DNAAF9: variants seen among roughly 807,000 people sequenced by gnomAD.
The protein encoded by DNAAF9 is dynein axonemal assembly factor 9, also known as shulin.
Under a neutral mutation model 167.0 loss-of-function variants are expected in DNAAF9, and 90 were observed. The observed-to-expected ratio is 0.54, with a 90% CI of 0.45 to 0.64. The LOEUF (loss-of-function observed/expected upper bound fraction) is 0.64, where lower values mean the gene tolerates loss of function less well. Among genes scored for constraint, DNAAF9 ranks in the 30% least tolerant of loss-of-function variants. The probability of loss-of-function intolerance (pLI) is 0.00; values close to 1 mark genes in which losing one functional copy is unlikely to be tolerated. For synonymous variants in DNAAF9, 491 were observed against 508.8 expected, an observed-to-expected ratio of 0.96 and a Z score of 0.47; for missense variants, 1,315 against 1,442.2, an observed-to-expected ratio of 0.91 and a Z score of 1.43.
rs2068170783 is a variant in DNAAF9, at chr20:3,249,712, TC to T, written c.*2859del. 1.3e-5 allele frequency: 2 copies of T among 152,198 alleles called. No individual in the cohort carries two copies. Among genetic ancestry groups the T allele is most frequent in the African/African-American group, 4.8e-5 (2 of 41,438 alleles). The allele number at this position is 152,198 out of a possible 1,614,324, so 9.4% of individuals were successfully genotyped here. A position where few individuals can be genotyped will look rare whatever the true frequency, so the allele number is the denominator to read the frequency against. Reference sequence around the variant, plus strand: ...AGATCAGCAACACGGCTGGAATACTTCGTAGTTTACAATCTTTGAATTGAAC... The same window carrying T: ...AGATCAGCAACACGGCTGGAATACTTGTAGTTTACAATCTTTGAATTGAAC... On this transcript the variant is annotated 3_prime_UTR_variant, in exon 37 of 37. Transcript: ENST00000252032.
intron 30 of DNAAF9, among the ~76,000 whole-genome samples, chr20:3,270,130 A>T (rs2068567000): frequency 7.5e-6 from 1 of 133,960 alleles, no homozygotes; most frequent in Admixed American, 8.5e-5. Context: ...CATTGTGCCC[A>T]GCCTGCTTTT....
intron 6 of DNAAF9, among the ~76,000 whole-genome samples, chr20:3,364,426 T>C (rs567036665): frequency 1.2e-3 from 179 of 152,294 alleles, no homozygotes; most frequent in Non-Finnish European, 2.0e-3. Context: ...CCTGCTTTTA[T>C]GAATTATTAG....
chr20:3,336,941 A>C, intron 10 of DNAAF9, among the ~76,000 whole-genome samples: 1 of 138,992 alleles, frequency 7.2e-6, no homozygotes, highest in African/African-American at 2.7e-5. Flanking sequence ...AGGCAGTGGC[A>C]CGATCTCGGC....
chr20:3,318,686 C>T (rs973576109), intron 16 of DNAAF9, among the ~76,000 whole-genome samples: 1 of 152,152 alleles, frequency 6.6e-6, no homozygotes, highest in African/African-American at 2.4e-5. Context: ...GCTGACTAGG[C>T]ACAGTGGCTC....
rs370733748 is a variant in DNAAF9 at position 3,376,222 on chromosome 20, C to A, written c.364G>T (p.Ala122Ser). Residue 122 changes from alanine to serine, a missense_variant, in exon 4 of 37, where the codon GCA (alanine) becomes TCA (serine). By Grantham distance (99) the Ala-to-Ser change is moderately conservative. Coordinates refer to ENST00000252032, the MANE Select transcript of DNAAF9 (RefSeq NM_001009984.3). ...TGGAAATGCAGATTTCTCCAATGTG[C>A]CACATAAGGTAAGAGATAGCGAAAG... Reference protein sequence around the residue: ...VNFRYLLPYVAHWRNLHFHCM... With the variant: ...VNFRYLLPYVSHWRNLHFHCM... 1 of 1,613,350 alleles carries A rather than the reference C, an allele frequency of 6.2e-7. No homozygotes were observed. The highest frequency in any genetic ancestry group is 1.3e-5 in the African/African-American group (1 of 74,866).
At position 3,324,735 on chromosome 20, in the gene DNAAF9, AGTGAAGGCT is replaced by A. The variant is rs1210055391; in HGVS notation, c.1265+148_1265+156del. On this transcript the variant is annotated intron_variant, in intron 14 of 36. Transcript: ENST00000252032. ...TGCATCTTTGGCTCTTTGGCTTCTA[AGTGAAGGCT>A]GAATCATGAATGATTCTCCTTCACA... Among the ~76,000 whole-genome samples the A allele has an allele frequency of 3.3e-5, 5 of 152,202 alleles. 1 individual carries two copies. The highest frequency in any genetic ancestry group is 7.3e-5 in the Non-Finnish European group (5 of 68,038).
Position 3,315,449 on chromosome 20 carries a change from C to T in DNAAF9, c.1590+286G>A, listed in dbSNP as rs2123030295. Among the ~76,000 whole-genome samples the T allele has an allele frequency of 6.6e-6, 1 of 152,342 alleles. No individual in the cohort carries two copies. The highest frequency in any genetic ancestry group is 1.5e-5 in the Non-Finnish European group (1 of 68,032). ...TTGGCCTAAAGCCTTGATGTCTCAGCTCTACATGTCTAGGCCAATCTGGGA... is the reference window on the plus strand; with the variant it reads ...TTGGCCTAAAGCCTTGATGTCTCAGTTCTACATGTCTAGGCCAATCTGGGA... On this transcript the variant is annotated intron_variant, in intron 19 of 36. Coordinates refer to ENST00000252032, the MANE Select transcript of DNAAF9 (RefSeq NM_001009984.3). The surrounding 1 kb of genome is among the most constrained non-coding windows in gnomAD (Gnocchi z 4.1).
chr20:3,374,914 T>TA (rs1377086061), intron 5 of DNAAF9, 116 bp downstream of exon 5: 2 of 649,680 alleles, frequency 3.1e-6, no homozygotes, highest in East Asian at 5.2e-5. Flanking sequence ...ATGTCTTTGG[T>TA]AAAAATAGAC....
At chr20:3,397,973 T>C (rs1279127851) in intron 1 of DNAAF9, among the ~76,000 whole-genome samples, 1 of 152,206 alleles carries the variant, frequency 6.6e-6, no homozygotes, top group Non-Finnish European at 1.5e-5. Flanking sequence ...CTGAGGACTA[T>C]ACTCCTCTCA....
intron 1 of DNAAF9, among the ~76,000 whole-genome samples, 170 bp downstream of exon 1, chr20:3,407,305 G>T (rs1207710407): frequency 6.6e-6 from 1 of 152,184 alleles, no homozygotes; most frequent in Non-Finnish European, 1.5e-5. Context: ...CCATTGTGGG[G>T]CCTCTACAGA....
Position 3,298,047 on chromosome 20 carries a change from G to A in DNAAF9, c.1911C>T (p.Tyr637=), listed in dbSNP as rs1446127027. Residue 637 remains tyrosine, a synonymous_variant, in exon 22 of 37, where the codon TAC becomes TAT. Transcript: ENST00000252032. ...MIALFPKSKI[Y]QAFYSEVFSL... is the part of the protein sequence containing the mutation. ...ATATTACCTCTGAGTAAAATGCTTG[G>A]TATATCTTCGATTTGGGGAAAAGGG... 6.2e-7 allele frequency: 1 copy of A among 1,612,806 alleles called. No homozygotes were observed. The highest frequency in any genetic ancestry group is 8.5e-7 in the Non-Finnish European group (1 of 1,178,916).
chr20:3,317,929 T>C (rs536120288), intron 17 of DNAAF9, among the ~76,000 whole-genome samples: 1 of 152,202 alleles, frequency 6.6e-6, no homozygotes, highest in South Asian at 2.1e-4. Flanking sequence ...ACTAGTGAGA[T>C]TACATATCTT....
chr20:3,262,248 CT>C lies in DNAAF9; in HGVS notation c.2873+2189del, dbSNP rs953323176. Among the ~76,000 whole-genome samples the C allele has an allele frequency of 9.7e-3, 1,279 of 131,646 alleles. 22 individuals carry two copies. Among genetic ancestry groups the C allele is most frequent in the Admixed American group, 0.053 (690 of 13,002 alleles). 86.4% of individuals were successfully genotyped at this position (131,646 alleles called of 152,430 possible). On this transcript the variant is annotated intron_variant, in intron 31 of 36. Transcript: ENST00000252032. ...TCCTGATGAGGAAAAAGTTCACATT[CT>C]TTTTTTTTTTTTTTTTTTGACACGG...
At chr20:3,370,197 C>T (rs1266450025) in intron 6 of DNAAF9, among the ~76,000 whole-genome samples, 2 of 152,208 alleles carry the variant, frequency 1.3e-5, no homozygotes, top group Non-Finnish European at 2.9e-5. Context: ...GCAAAAACTA[C>T]ACTAGCCAAT....
intron 31 of DNAAF9, among the ~76,000 whole-genome samples, chr20:3,260,280 A>G (rs2068359274): frequency 6.6e-6 from 1 of 152,138 alleles, no homozygotes; most frequent in African/African-American, 2.4e-5. Context: ...CGGAGCTTGC[A>G]GTGAGGCGAG....
At position 3,324,945 on chromosome 20, in the gene DNAAF9, A is replaced by G. The variant is rs1046626466; in HGVS notation, c.1212T>C (p.Thr404=). The G allele has an allele frequency of 6.2e-7, 1 of 1,607,556 alleles. No individual in the cohort carries two copies. The highest frequency in any genetic ancestry group is 1.3e-5 in the African/African-American group (1 of 74,822). ...LTKAKEVAEQ[T]LGSGLDSFEL... is the part of the protein sequence containing the mutation. ...CAAAGGAATCTAACCCAGATCCCAG[A>G]GTTTGCTCTGCTACCTCCTTGGCCT... Residue 404 remains threonine, a synonymous_variant, in exon 14 of 37, where the codon ACT becomes ACC. Transcript: ENST00000252032.
rs732923 is a variant in DNAAF9, at chr20:3,250,694, C to G, written c.*1878G>C. 0.57 allele frequency: 86,847 copies of G among 151,962 alleles called. 24,891 individuals are homozygous for G. Among genetic ancestry groups the G allele is most frequent in the Admixed American group, 0.6 (9,125 of 15,270 alleles). The allele number at this position is 151,962 out of a possible 1,614,324, so 9.4% of individuals were successfully genotyped here. A position where few individuals can be genotyped will look rare whatever the true frequency, so the allele number is the denominator to read the frequency against. On this transcript the variant is annotated 3_prime_UTR_variant, in exon 37 of 37. Transcript: ENST00000252032. ...CTCCGACCCCTCTTTAAAAACTCTT[C>G]TGCAGCAGCCAGACTGCCAGGCCAG...
chr20:3,283,338 T>C (rs2068793704), intron 27 of DNAAF9, among the ~76,000 whole-genome samples: 1 of 152,190 alleles, frequency 6.6e-6, no homozygotes, highest in African/African-American at 2.4e-5. Flanking sequence ...AAAAGGCCCT[T>C]GGCTTTATCC....
At chr20:3,336,258 G>GTTTTTTTTTTTT (rs367718705) in intron 10 of DNAAF9, among the ~76,000 whole-genome samples, 5 of 113,556 alleles carry the variant, frequency 4.4e-5, no homozygotes, top group Admixed American at 9.7e-5. Flanking sequence ...TTGCGTTTTT[G>GTTTTTTTTTTTT]TTTTTTTTTT....
Sources: gnomAD v4.1 joint callset for allele counts (sites outside exome capture counted in the v4.1 genomes callset) on GRCh38, gnomAD v4.1.1 for gene constraint, Gnocchi (gnomAD v3.1) non-coding constraint, MANE v1.5 for transcripts, NCBI Gene and HGNC (gene_info 2026-07-23, HGNC 2026-07-21) for gene names.